Variants in C8orf34 observed in about 807,000 individuals in gnomAD.
C8orf34 encodes uncharacterized protein C8orf34.
Under a neutral mutation model 68.3 loss-of-function variants are expected in C8orf34, and 65 were observed. That is an observed-to-expected ratio of 0.95 (90% CI 0.78 to 1.17). The LOEUF (loss-of-function observed/expected upper bound fraction) is 1.17. Among genes scored for constraint, C8orf34 ranks in the 50% most tolerant of loss-of-function variants. The pLI, the probability that C8orf34 is intolerant of heterozygous loss-of-function variation, is 0.00. For missense variants in C8orf34, 664 were observed against 655.4 expected (o/e 1.01, Z -0.14); for synonymous variants, 244 against 241.2 (o/e 1.01, Z -0.11).
At chr8:68,674,195 A>T (rs1363396323) in intron 8 of C8orf34, among the ~76,000 whole-genome samples, 1 of 152,164 alleles carries the variant, frequency 6.6e-6, no homozygotes, top group African/African-American at 2.4e-5. Context: ...ACAAGCCCAG[A>T]CCGTAAAGAT....
intron 1 of C8orf34, among the ~76,000 whole-genome samples, chr8:68,418,397 AT>A (rs1381081012): frequency 6.6e-6 from 1 of 151,942 alleles, no homozygotes; most frequent in Non-Finnish European, 1.5e-5. Context: ...ATGCTTCTAG[AT>A]TTTGCCCATT....
intron 1 of C8orf34, among the ~76,000 whole-genome samples, chr8:68,381,681 G>A (rs1316450613): frequency 4.7e-5 from 6 of 128,552 alleles, no homozygotes; most frequent in African/African-American, 1.5e-4. Flanking sequence ...GCAGTGAGCC[G>A]AGATTGCGCC....
rs751189464 is a variant in C8orf34, at chr8:68,640,530, A to G, written c.1241+19A>G. ...GTGCCAGGTAAAAGACATAATAGGT[A>G]TAGTATATATAAACATGATCTTGAT... On this transcript the variant is annotated intron_variant, in intron 8 of 13. Transcript: ENST00000518698. The G allele has an allele frequency of 1.2e-5, 20 of 1,602,028 alleles. No homozygotes were observed. The highest frequency in any genetic ancestry group is 1.5e-5 in the Non-Finnish European group (18 of 1,174,644).
chr8:68,685,736 C>T (rs370253870), intron 8 of C8orf34, among the ~76,000 whole-genome samples: 1 of 151,592 alleles, frequency 6.6e-6, no homozygotes, highest in Non-Finnish European at 1.5e-5. Flanking sequence ...ATTAGCCAGG[C>T]GTGGACATAT....
At position 68,724,588 on chromosome 8, in the gene C8orf34, C is replaced by G. The variant is rs184815139; in HGVS notation, c.1404+3151C>G. Among the ~76,000 whole-genome samples the G allele has an allele frequency of 1.7e-4, 26 of 152,292 alleles. 1 individual carries two copies. The highest frequency in any genetic ancestry group is 7.2e-4 in the Admixed American group (11 of 15,292). On this transcript the variant is annotated intron_variant, in intron 10 of 13. Transcript: ENST00000518698. ...GAAGTTTTATCCTCCTCCAAATAAG[C>G]AAGTCGTTCTTCTGGAATTTCCCTC... is the stretch of plus-strand genomic sequence containing the variant.
intron 7 of C8orf34, among the ~76,000 whole-genome samples, chr8:68,556,682 G>A (rs559041254): frequency 2.6e-5 from 4 of 152,022 alleles, no homozygotes; most frequent in East Asian, 1.9e-4. Flanking sequence ...AGGGATCCTC[G>A]GCCGATGTAC....
chr8:68,454,504 T>C (rs1177903447), intron 3 of C8orf34, among the ~76,000 whole-genome samples: 1 of 152,072 alleles, frequency 6.6e-6, no homozygotes, highest in African/African-American at 2.4e-5. Context: ...AGTTTGCATG[T>C]TTCTAGAAAT....
At chr8:68,504,769 T>A (rs964268062) in intron 5 of C8orf34, among the ~76,000 whole-genome samples, 1 of 151,578 alleles carries the variant, frequency 6.6e-6, no homozygotes, top group African/African-American at 2.4e-5. Flanking sequence ...AACCTCCACC[T>A]TCTGCATTCA....
intron 10 of C8orf34, among the ~76,000 whole-genome samples, chr8:68,739,730 G>A (rs542932114): frequency 6.6e-6 from 1 of 152,120 alleles, no homozygotes; most frequent in East Asian, 1.9e-4. Flanking sequence ...CACAGAACTA[G>A]AAAATAATAC....
intron 5 of C8orf34, among the ~76,000 whole-genome samples, chr8:68,509,466 C>T (rs1814167075): frequency 6.6e-6 from 1 of 152,176 alleles, no homozygotes; most frequent in Non-Finnish European, 1.5e-5. Context: ...TCTGGGTTCC[C>T]TTCCCCTGAG....
upstream of C8orf34, chr8:68,330,730 G>C (rs1018925848): frequency 6.5e-5 from 23 of 353,810 alleles, no homozygotes; most frequent in African/African-American, 1.1e-4. Context: ...GCAGCCTCGG[G>C]GAGCAGCCCG....
intron 1 of C8orf34, among the ~76,000 whole-genome samples, chr8:68,368,552 T>A (rs895317492): frequency 6.6e-6 from 1 of 152,176 alleles, no homozygotes; most frequent in African/African-American, 2.4e-5. Flanking sequence ...ATTTTTTGTG[T>A]GGGTCCTGAT....
chr8:68,663,167 T>A (rs28719791), intron 8 of C8orf34, among the ~76,000 whole-genome samples: 3,675 of 152,306 alleles, frequency 0.024, 150 homozygotes, highest in African/African-American at 0.082. Flanking sequence ...TTCTTGTTTG[T>A]CCAGACCACC....
At chr8:68,529,749 GATA>G (rs1815166398) in intron 6 of C8orf34, among the ~76,000 whole-genome samples, 1 of 152,098 alleles carries the variant, frequency 6.6e-6, no homozygotes, top group African/African-American at 2.4e-5. Flanking sequence ...GGCATGTTTT[GATA>G]ATATGTTTGC....
chr8:68,795,139 T>G (rs1394732094), intron 12 of C8orf34, among the ~76,000 whole-genome samples: 2 of 152,182 alleles, frequency 1.3e-5, no homozygotes, highest in African/African-American at 4.8e-5. Context: ...ATTTCTAGTT[T>G]GTTCCCTTTA....
chr8:68,659,098 T>A (rs1819595135), intron 8 of C8orf34, among the ~76,000 whole-genome samples: 1 of 152,144 alleles, frequency 6.6e-6, no homozygotes, highest in Admixed American at 6.5e-5. Context: ...GCTTTTCAGT[T>A]TATTTCACCC....
intron 1 of C8orf34, among the ~76,000 whole-genome samples, chr8:68,434,398 G>A (rs1032760319): frequency 1.3e-5 from 2 of 152,064 alleles, no homozygotes; most frequent in African/African-American, 2.4e-5. Flanking sequence ...GAGAACATGT[G>A]GTATTTGGTT....
intron 12 of C8orf34, among the ~76,000 whole-genome samples, chr8:68,803,174 A>G (rs968492483): frequency 2.0e-5 from 3 of 152,148 alleles, no homozygotes; most frequent in African/African-American, 7.2e-5. Flanking sequence ...CGATTCCAAT[A>G]CATAACAGAA....
At chr8:68,470,663 G>A (rs151056668) in intron 4 of C8orf34, among the ~76,000 whole-genome samples, 58 of 152,194 alleles carry the variant, frequency 3.8e-4, no homozygotes, top group African/African-American at 1.4e-3. Context: ...AGGGTGGATG[G>A]TCTAAAATCC....
Sources: gnomAD v4.1 joint callset for allele counts (sites outside exome capture counted in the v4.1 genomes callset) on GRCh38, gnomAD v4.1.1 for gene constraint, MANE v1.5 for transcripts, NCBI Gene and HGNC (gene_info 2026-07-23, HGNC 2026-07-21) for gene names.